Variants in COL21A1 observed in about 807,000 individuals in gnomAD.
The protein encoded by COL21A1 is collagen type XXI alpha 1 chain, also known as collagen alpha-1(XXI) chain.
A neutral mutation model predicts 137.9 loss-of-function variants in COL21A1; 149 were observed. The observed-to-expected ratio is 1.08, with a 90% confidence interval of 0.95 to 1.24. The LOEUF (loss-of-function observed/expected upper bound fraction) is 1.24, where lower values mean the gene tolerates loss of function less well. COL21A1 is among the 50% of genes most tolerant of loss of function. The pLI is 0.00. For synonymous variants in COL21A1, 456 were observed against 391.5 expected, an observed-to-expected ratio of 1.16 and a Z score of -1.95; for missense variants, 1,167 against 1,158.4, an observed-to-expected ratio of 1.01 and a Z score of -0.11.
intron 1 of COL21A1, among the ~76,000 whole-genome samples, chr6:56,280,579 T>A (rs994602933): frequency 6.6e-6 from 1 of 152,142 alleles, no homozygotes; most frequent in Non-Finnish European, 1.5e-5. Flanking sequence ...TCTGAGCATA[T>A]AAGAAAGGAA....
intron 12 of COL21A1, among the ~76,000 whole-genome samples, chr6:56,139,484 C>A (rs991023175): frequency 5.0e-4 from 63 of 126,178 alleles, no homozygotes; most frequent in African/African-American, 1.9e-3. Flanking sequence ...CACTTGTGCA[C>A]ACACACTTGT....
intron 16 of COL21A1, among the ~76,000 whole-genome samples, chr6:56,101,964 G>A (rs906930760): frequency 2.0e-5 from 3 of 152,098 alleles, no homozygotes; most frequent in African/African-American, 7.2e-5. Context: ...TAGGAATGGA[G>A]TTATTTATAG....
chr6:56,189,978 A>G (rs2152289086), intron 1 of COL21A1, among the ~76,000 whole-genome samples: 1 of 152,338 alleles, frequency 6.6e-6, no homozygotes, highest in African/African-American at 2.4e-5. Flanking sequence ...AGCACTAAAC[A>G]TGGCAAGGAA....
chr6:56,070,078 T>C (rs1470802041), intron 21 of COL21A1, among the ~76,000 whole-genome samples: 1 of 151,576 alleles, frequency 6.6e-6, no homozygotes, highest in Non-Finnish European at 1.5e-5. Flanking sequence ...GTGTTAATAA[T>C]GCATTGACAT....
At chr6:56,381,086 A>G (rs55898932) in intron 1 of COL21A1, among the ~76,000 whole-genome samples, 27,950 of 152,012 alleles carry the variant, frequency 0.18, 2,722 homozygotes, top group African/African-American at 0.22. Context: ...GTGACTTTAT[A>G]GAACATAACT....
intron 17 of COL21A1, among the ~76,000 whole-genome samples, chr6:56,097,833 A>C (rs1769531476): frequency 2.1e-5 from 1 of 48,654 alleles, no homozygotes; most frequent in Non-Finnish European, 3.5e-5. Flanking sequence ...ATATAAATAT[A>C]TATAAATATA....
intron 1 of COL21A1, chr6:56,276,476 T>C (rs1363035184): frequency 1.3e-6 from 1 of 753,694 alleles, no homozygotes; most frequent in Non-Finnish European, 2.1e-6. Flanking sequence ...TACATACTTT[T>C]TTCAGAGAGA....
intron 17 of COL21A1, among the ~76,000 whole-genome samples, chr6:56,087,325 A>G (rs1031361181): frequency 3.3e-5 from 5 of 152,112 alleles, no homozygotes; most frequent in African/African-American, 4.8e-5. Flanking sequence ...CAACCTTTCC[A>G]TACAATACCA....
chr6:56,078,388 T>A (rs1476799528), intron 17 of COL21A1, among the ~76,000 whole-genome samples: 1 of 151,586 alleles, frequency 6.6e-6, no homozygotes, highest in Non-Finnish European at 1.5e-5. Flanking sequence ...TTTGGTGACA[T>A]TTGAGCTGAA....
chr6:56,185,426 C>CTTTTTTTTTTTTTT (rs777045553), intron 1 of COL21A1, among the ~76,000 whole-genome samples: 1 of 100,170 alleles, frequency 1.0e-5, no homozygotes, highest in African/African-American at 4.0e-5. Context: ...AATGAACAGT[C>CTTTTTTTTTTTTTT]TTTTTTTTTT....
chr6:56,342,708 TG>T (rs1765498545), intron 1 of COL21A1, among the ~76,000 whole-genome samples: 1 of 152,196 alleles, frequency 6.6e-6, no homozygotes. Flanking sequence ...AAATTAATCT[TG>T]TTATCTCCTT....
chr6:56,168,326 A>C lies in COL21A1; in HGVS notation c.1027-29T>G, dbSNP rs762509139. On this transcript the variant is annotated intron_variant, in intron 5 of 29. Transcript: ENST00000244728. ...CAAAAAGAAAGTGTGGAAGATTCAT[A>C]AATAAAGCCCCTAACAATATTTTAT... 6 of 1,486,714 alleles carry C rather than the reference A, an allele frequency of 4.0e-6. No homozygotes were observed. In the East Asian group the frequency reaches 1.4e-4, roughly 35 times the overall value. The allele number at this position is 1,486,714 out of a possible 1,614,324, so 92.1% of individuals were successfully genotyped here. A position where few individuals can be genotyped will look rare whatever the true frequency, so the allele number is the denominator to read the frequency against.
chr6:56,366,923 G>A (rs910190057), intron 1 of COL21A1, among the ~76,000 whole-genome samples: 2 of 152,164 alleles, frequency 1.3e-5, no homozygotes, highest in South Asian at 2.1e-4. Flanking sequence ...ATTTTAGGGT[G>A]TCCTTTGTAC....
intron 1 of COL21A1, among the ~76,000 whole-genome samples, chr6:56,213,534 C>G (rs1438637256): frequency 6.6e-6 from 1 of 152,002 alleles, no homozygotes; most frequent in African/African-American, 2.4e-5. Flanking sequence ...CTGAAGACAT[C>G]AGTATAATTC....
At chr6:56,349,069 A>C (rs932991320) in intron 1 of COL21A1, among the ~76,000 whole-genome samples, 4 of 152,186 alleles carry the variant, frequency 2.6e-5, no homozygotes, top group African/African-American at 9.6e-5. Context: ...AATGTCCTTA[A>C]AGTGGAGAAA....
chr6:56,193,680 C>A (rs1290149903), intron 1 of COL21A1, among the ~76,000 whole-genome samples: 1 of 152,104 alleles, frequency 6.6e-6, no homozygotes, highest in African/African-American at 2.4e-5. Context: ...TGAAAAAAAA[C>A]TAGTCCATTA....
At chr6:56,301,704 C>A (rs1639302394) in intron 1 of COL21A1, among the ~76,000 whole-genome samples, 1 of 126,528 alleles carries the variant, frequency 7.9e-6, no homozygotes, top group Non-Finnish European at 1.8e-5. Flanking sequence ...TTAATTTTAA[C>A]TTTTTTCTTT....
chr6:56,129,699 T>TGTGTGTGA lies in COL21A1; in HGVS notation c.1543-3551_1543-3550insTCACACAC, dbSNP rs1450514214. Among the ~76,000 whole-genome samples the TGTGTGTGA allele has an allele frequency of 5.5e-3, 661 of 120,494 alleles. 2 individuals are homozygous for TGTGTGTGA. The highest frequency in any genetic ancestry group is 0.029 in the Middle Eastern group (6 of 204). 79.0% of individuals were successfully genotyped at this position (120,494 alleles called of 152,430 possible). A position where few individuals can be genotyped will look rare whatever the true frequency, so the allele number is the denominator to read the frequency against. On this transcript the variant is annotated intron_variant, in intron 12 of 29. Coordinates refer to ENST00000244728, the MANE Select transcript of COL21A1 (RefSeq NM_030820.4). ...GCGTGTGTGTGTGTGTGTGTGTGTG[T>TGTGTGTGA]GAGAGAGAGAGAGAGAGAGAGAGAC...
At chr6:56,227,841 C>A (rs780026165) in intron 1 of COL21A1, among the ~76,000 whole-genome samples, 12 of 151,876 alleles carry the variant, frequency 7.9e-5, no homozygotes, top group Non-Finnish European at 1.8e-4. Flanking sequence ...GCACTGGGAG[C>A]TTGGTGGAGT....
Sources: allele counts gnomAD v4.1 joint callset (sites outside exome capture counted in the v4.1 genomes callset), GRCh38; gene constraint gnomAD v4.1.1; transcripts MANE v1.5; gene names NCBI Gene and HGNC (gene_info 2026-07-23, HGNC 2026-07-21).